Variants in TCF7L1 observed in about 807,000 individuals in gnomAD.
TCF7L1 encodes the protein transcription factor 7-like 1.
TCF7L1 carries 18 observed loss-of-function variants against 63.7 expected under a neutral mutation model. The ratio of observed to expected loss-of-function variants is 0.28; its 90% CI spans 0.20 to 0.42. The LOEUF (loss-of-function observed/expected upper bound fraction) is 0.42. Ranked by LOEUF, TCF7L1 falls within the 10% of genes least tolerant of loss-of-function variation. TCF7L1 has a pLI of 1.00. For missense variants in TCF7L1, 654 were observed against 779.3 expected (o/e 0.84, Z 1.91); for synonymous variants, 355 against 340.9 (o/e 1.04, Z -0.46).
chr2:85,241,274 C>T (rs1247614940), intron 3 of TCF7L1, among the ~76,000 whole-genome samples: 1 of 152,034 alleles, frequency 6.6e-6, no homozygotes. Flanking sequence ...GTATTTTCCT[C>T]ATTTGACTCT....
intron 7 of TCF7L1, among the ~76,000 whole-genome samples, chr2:85,304,652 T>A (rs561353301): frequency 6.6e-6 from 1 of 152,200 alleles, no homozygotes; most frequent in Non-Finnish European, 1.5e-5. Flanking sequence ...CGCGTCCTGA[T>A]AAACCCGTCG....
chr2:85,258,767 G>A lies in TCF7L1; in HGVS notation c.442-24728G>A, dbSNP rs560486744. Among the ~76,000 whole-genome samples, 175 of 152,280 alleles carry A rather than the reference G, an allele frequency of 1.1e-3. 1 individual carries two copies. The highest frequency in any genetic ancestry group is 4.4e-3 in the Admixed American group (67 of 15,296). ...GATATTGGGGTTGGGGGGGCTGTCT[G>A]CATGCCCTTCCTTCCCCAGTGGGTG... On this transcript the variant is annotated intron_variant, in intron 3 of 11. Transcript: ENST00000282111.
At chr2:85,217,202 T>C (rs1476777916) in intron 3 of TCF7L1, 1 of 152,204 alleles carries the variant, frequency 6.6e-6, no homozygotes, top group Non-Finnish European at 1.5e-5. Context: ...CCACAACAAA[T>C]GTTTGTAAGT....
At position 85,289,221 on chromosome 2, in the gene TCF7L1, AGTGT is replaced by A. The variant is rs10701623; in HGVS notation, c.525+5672_525+5675del. Among the ~76,000 whole-genome samples, 198 of 146,486 alleles carry A rather than the reference AGTGT, an allele frequency of 1.4e-3. 3 individuals carry two copies. Among genetic ancestry groups the A allele is most frequent in the Middle Eastern group, 6.9e-3 (2 of 290 alleles). ...TTTGTTAAATAGTATTTCAGTCTGG[AGTGT>A]GTGTGTGTGTGTGTGTGTGTGTGTG... is the stretch of plus-strand genomic sequence containing the variant. On this transcript the variant is annotated intron_variant, in intron 4 of 11. Transcript: ENST00000282111.
At chr2:85,162,368 A>T (rs1678307876) in intron 3 of TCF7L1, among the ~76,000 whole-genome samples, 1 of 152,198 alleles carries the variant, frequency 6.6e-6, no homozygotes, top group African/African-American at 2.4e-5. Context: ...GTACACAGGT[A>T]GGGTGGCCAC....
intron 3 of TCF7L1, among the ~76,000 whole-genome samples, chr2:85,165,093 T>G (rs11691660): frequency 0.36 from 54,749 of 152,034 alleles, 10,009 homozygotes; most frequent in Middle Eastern, 0.42. Flanking sequence ...TACCAAGGAG[T>G]GGTCTGTGGC....
intron 3 of TCF7L1, among the ~76,000 whole-genome samples, chr2:85,242,906 G>T (rs1680370088): frequency 2.0e-5 from 3 of 152,068 alleles, no homozygotes; most frequent in Non-Finnish European, 4.4e-5. Context: ...TGAATGAAAG[G>T]GCATGTTTTC....
chr2:85,207,085 A>C (rs890123948), intron 3 of TCF7L1, among the ~76,000 whole-genome samples: 13 of 152,266 alleles, frequency 8.5e-5, no homozygotes, highest in African/African-American at 1.7e-4. Flanking sequence ...CAGAACAAAT[A>C]GGAATTTAAA....
At chr2:85,164,367 T>C (rs543543582) in intron 3 of TCF7L1, among the ~76,000 whole-genome samples, 1 of 152,262 alleles carries the variant, frequency 6.6e-6, no homozygotes, top group Non-Finnish European at 1.5e-5. Flanking sequence ...CCCTCTTGCC[T>C]AAGATGAAGG....
intron 11 of TCF7L1, among the ~76,000 whole-genome samples, 193 bp downstream of exon 11, chr2:85,307,910 T>A (rs1558663242): frequency 6.6e-6 from 1 of 152,300 alleles, no homozygotes; most frequent in East Asian, 1.9e-4. Flanking sequence ...GCACTCTGCT[T>A]CAGTGGTGGT....
At position 85,134,502 on chromosome 2, in the gene TCF7L1, A is replaced by G; in HGVS notation, c.441+52A>G. The G allele has an allele frequency of 6.5e-7, 1 of 1,536,162 alleles. No individual in the cohort carries two copies. The highest frequency in any genetic ancestry group is 1.2e-5 in the South Asian group (1 of 82,844). On this transcript the variant is annotated intron_variant, in intron 3 of 11. Coordinates refer to ENST00000282111, the MANE Select transcript of TCF7L1 (RefSeq NM_031283.3). The surrounding 1 kb of genome is among the most constrained non-coding windows in gnomAD (Gnocchi z 5.0). ...AGGGTGGGAGGCCGCGGCCCGCAGGATGCGCCCCCGGGCTTGGCCATGGAG... is the reference window on the plus strand; with the variant it reads ...AGGGTGGGAGGCCGCGGCCCGCAGGGTGCGCCCCCGGGCTTGGCCATGGAG...
intron 3 of TCF7L1, among the ~76,000 whole-genome samples, chr2:85,190,279 C>T (rs979690946): frequency 1.3e-5 from 2 of 152,140 alleles, no homozygotes; most frequent in Non-Finnish European, 2.9e-5. Flanking sequence ...AGACTGGGCT[C>T]ACCTCTTAGG....
chr2:85,196,972 G>A (rs1000520920), intron 3 of TCF7L1, among the ~76,000 whole-genome samples: 5 of 152,080 alleles, frequency 3.3e-5, no homozygotes, highest in South Asian at 2.1e-4. Context: ...CCAACCTGCC[G>A]CAGGCCATCC....
chr2:85,178,794 C>G (rs1338676455), intron 3 of TCF7L1, among the ~76,000 whole-genome samples: 1 of 152,138 alleles, frequency 6.6e-6, no homozygotes, highest in Non-Finnish European at 1.5e-5. Flanking sequence ...AGAGACAAGA[C>G]AGGCGGCAGG....
chr2:85,268,998 G>A (rs1400104842), intron 3 of TCF7L1, among the ~76,000 whole-genome samples: 1 of 151,942 alleles, frequency 6.6e-6, no homozygotes, highest in African/African-American at 2.4e-5. Flanking sequence ...TGAGGAAGAA[G>A]GTGGAGGAAA....
At chr2:85,251,790 A>T (rs77176666) in intron 3 of TCF7L1, among the ~76,000 whole-genome samples, 1 of 152,186 alleles carries the variant, frequency 6.6e-6, no homozygotes, top group Non-Finnish European at 1.5e-5. Context: ...GAGACACTCT[A>T]GGCTAGGTGC....
chr2:85,202,864 C>T (rs1441973333), intron 3 of TCF7L1, among the ~76,000 whole-genome samples: 3 of 152,082 alleles, frequency 2.0e-5, no homozygotes, highest in African/African-American at 4.8e-5. Flanking sequence ...GACAGAGTCT[C>T]GCTCTTTCGC....
chr2:85,178,279 T>C (rs983524450), intron 3 of TCF7L1, among the ~76,000 whole-genome samples: 4 of 152,258 alleles, frequency 2.6e-5, no homozygotes, highest in African/African-American at 9.6e-5. Context: ...CATTAGCTGG[T>C]TACTGTTTGG....
chr2:85,216,256 G>T (rs114669760), intron 3 of TCF7L1, among the ~76,000 whole-genome samples: 1 of 152,126 alleles, frequency 6.6e-6, no homozygotes, highest in Non-Finnish European at 1.5e-5. Flanking sequence ...GTGGCTCCGG[G>T]CAGCTTTTTT....
Sources: gnomAD v4.1 joint callset for allele counts (sites outside exome capture counted in the v4.1 genomes callset) on GRCh38, gnomAD v4.1.1 for gene constraint, Gnocchi (gnomAD v3.1) non-coding constraint, MANE v1.5 for transcripts, NCBI Gene and HGNC (gene_info 2026-07-23, HGNC 2026-07-21) for gene names.